The following KCNH7 variants were observed in gnomAD, a reference collection of about 807,000 sequenced individuals.
KCNH7 encodes voltage-gated inwardly rectifying potassium channel KCNH7.
KCNH7 carries 49 observed loss-of-function variants against 120.8 expected under a neutral mutation model. That is an observed-to-expected ratio of 0.41 (90% CI 0.32 to 0.51). The LOEUF (loss-of-function observed/expected upper bound fraction) is 0.51. Ranked by LOEUF, KCNH7 falls within the 20% of genes least tolerant of loss-of-function variation. The pLI is 0.38. For synonymous variants in KCNH7, 547 were observed against 516.1 expected, an observed-to-expected ratio of 1.06 and a Z score of -0.81; for missense variants, 1,097 against 1,446.6, an observed-to-expected ratio of 0.76 and a Z score of 3.92.
intron 2 of KCNH7, among the ~76,000 whole-genome samples, chr2:162,564,870 A>C (rs747747648): frequency 2.0e-5 from 3 of 152,096 alleles, no homozygotes; most frequent in Non-Finnish European, 2.9e-5. Context: ...AACTTGGAAA[A>C]TCATAATTTT....
chr2:162,767,297 T>G (rs921165233), intron 2 of KCNH7, among the ~76,000 whole-genome samples: 81 of 152,154 alleles, frequency 5.3e-4, no homozygotes, highest in African/African-American at 1.6e-3. Flanking sequence ...ATAAGCAGTA[T>G]ATACATTTGA....
chr2:162,472,681 T>C (rs1574000685), intron 6 of KCNH7, among the ~76,000 whole-genome samples: 1 of 152,236 alleles, frequency 6.6e-6, no homozygotes, highest in Non-Finnish European at 1.5e-5. Context: ...GTCGGTGTGG[T>C]GATTCCTCAG....
intron 2 of KCNH7, among the ~76,000 whole-genome samples, chr2:162,681,935 T>C (rs867525368): frequency 1.4e-4 from 22 of 151,804 alleles, no homozygotes; most frequent in African/African-American, 4.8e-4. Context: ...AAATCTTAAC[T>C]CTTTGACACT....
At chr2:162,486,137 A>C (rs1337599735) in intron 6 of KCNH7, among the ~76,000 whole-genome samples, 1 of 152,210 alleles carries the variant, frequency 6.6e-6, no homozygotes, top group African/African-American at 2.4e-5. Context: ...GAGCCAAGAA[A>C]GTGTGAAAAA....
At chr2:162,476,930 A>G (rs965443455) in intron 6 of KCNH7, among the ~76,000 whole-genome samples, 5 of 152,204 alleles carry the variant, frequency 3.3e-5, no homozygotes, top group African/African-American at 1.2e-4. Context: ...ACAATTAAAA[A>G]TGCATTAGTC....
chr2:162,791,101 C>A (rs894223244), intron 2 of KCNH7, among the ~76,000 whole-genome samples: 1 of 151,918 alleles, frequency 6.6e-6, no homozygotes, highest in Non-Finnish European at 1.5e-5. Flanking sequence ...TCTGTTAAAA[C>A]CTAATTTAGT....
intron 5 of KCNH7, among the ~76,000 whole-genome samples, chr2:162,505,923 G>T (rs1430504104): frequency 1.3e-5 from 2 of 151,630 alleles, no homozygotes; most frequent in Admixed American, 1.3e-4. Context: ...AATCAACTTG[G>T]GTCAGATATA....
At chr2:162,772,913 T>C (rs1276720512) in intron 2 of KCNH7, among the ~76,000 whole-genome samples, 1 of 152,208 alleles carries the variant, frequency 6.6e-6, no homozygotes, top group Non-Finnish European at 1.5e-5. Flanking sequence ...TAGTTTCCAC[T>C]TTTTCCGTAA....
At chr2:162,474,298 G>A (rs1403844876) in intron 6 of KCNH7, among the ~76,000 whole-genome samples, 1 of 152,110 alleles carries the variant, frequency 6.6e-6, no homozygotes, top group Non-Finnish European at 1.5e-5. Context: ...TGTATATAAA[G>A]GGTCATAATA....
intron 2 of KCNH7, among the ~76,000 whole-genome samples, chr2:162,759,948 T>C (rs1411572680): frequency 1.3e-5 from 2 of 151,980 alleles, no homozygotes; most frequent in Non-Finnish European, 2.9e-5. Flanking sequence ...AGATACAAAG[T>C]CCTGAAGAAT....
chr2:162,545,805 C>T (rs1692458778), intron 2 of KCNH7, among the ~76,000 whole-genome samples: 1 of 152,098 alleles, frequency 6.6e-6, no homozygotes, highest in Non-Finnish European at 1.5e-5. Flanking sequence ...TATGAGATAA[C>T]TCTGACATAT....
intron 2 of KCNH7, chr2:162,797,119 T>A (rs1684174416): frequency 1.3e-5 from 2 of 152,224 alleles, no homozygotes; most frequent in African/African-American, 4.8e-5. Context: ...CTACTGGGAC[T>A]ACAGAAGTTT....
chr2:162,655,739 G>C (rs1490192215), intron 2 of KCNH7, among the ~76,000 whole-genome samples: 5 of 152,164 alleles, frequency 3.3e-5, no homozygotes, highest in Admixed American at 2.6e-4. Flanking sequence ...GTTGCAGTGA[G>C]CCGAGATGGT....
chr2:162,402,211 AG>A (rs1159122894), intron 9 of KCNH7, among the ~76,000 whole-genome samples: 1 of 150,918 alleles, frequency 6.6e-6, no homozygotes, highest in Non-Finnish European at 1.5e-5. Context: ...CAGGTCCTGG[AG>A]GCCCTTTCTA....
intron 6 of KCNH7, among the ~76,000 whole-genome samples, chr2:162,472,819 G>A (rs563392655): frequency 6.6e-6 from 1 of 152,322 alleles, no homozygotes; most frequent in East Asian, 1.9e-4. Context: ...ATTCACAATA[G>A]CAAAAACTTG....
At chr2:162,644,407 T>C (rs1270057319) in intron 2 of KCNH7, among the ~76,000 whole-genome samples, 1 of 152,158 alleles carries the variant, frequency 6.6e-6, no homozygotes, top group Non-Finnish European at 1.5e-5. Flanking sequence ...ATTGGATCTA[T>C]TTATTTTTAT....
chr2:162,374,076 G>A (rs1296414625), intron 14 of KCNH7, among the ~76,000 whole-genome samples: 2 of 152,116 alleles, frequency 1.3e-5, no homozygotes, highest in Non-Finnish European at 2.9e-5. Flanking sequence ...TTTCATAACT[G>A]TAGCATCCCA....
intron 2 of KCNH7, among the ~76,000 whole-genome samples, chr2:162,644,385 G>C (rs1162987622): frequency 6.6e-6 from 1 of 151,936 alleles, no homozygotes; most frequent in East Asian, 1.9e-4. Context: ...AAAATACCCA[G>C]TAGCGTTATA....
At chr2:162,433,537 C>T (rs1056856491) in intron 8 of KCNH7, among the ~76,000 whole-genome samples, 2 of 152,020 alleles carry the variant, frequency 1.3e-5, no homozygotes, top group African/African-American at 4.8e-5. Context: ...TAAAGGACTC[C>T]CTATTCAATA....
Sources: gnomAD v4.1 joint callset for allele counts (sites outside exome capture counted in the v4.1 genomes callset) on GRCh38, gnomAD v4.1.1 for gene constraint, MANE v1.5 for transcripts, NCBI Gene and HGNC (gene_info 2026-07-23, HGNC 2026-07-21) for gene names.